PSG2: variants seen among roughly 807,000 people sequenced by gnomAD.
PSG2 encodes the protein pregnancy specific beta-1-glycoprotein 2, also known as pregnancy-specific beta-1-glycoprotein 2.
A neutral mutation model predicts 36.2 loss-of-function variants in PSG2; 49 were observed. That is an observed-to-expected ratio of 1.35 (90% CI 1.08 to 1.72). PSG2 has a LOEUF of 1.72. PSG2 is among the 40% of genes most tolerant of loss of function. PSG2 has a pLI of 0.00. For missense variants in PSG2, 605 were observed against 407.2 expected (o/e 1.49, Z -4.18); for synonymous variants, 261 against 155.6 (o/e 1.68, Z -5.04).
chr19:43,074,152 TCA>T (rs1763594127), intron 3 of PSG2, among the ~76,000 whole-genome samples: 1 of 151,672 alleles, frequency 6.6e-6, no homozygotes. Context: ...TGCATCTTTT[TCA>T]CAGTGTTTCT....
At chr19:43,069,463 T>A (rs1337816274) in intron 4 of PSG2, among the ~76,000 whole-genome samples, 1 of 151,754 alleles carries the variant, frequency 6.6e-6, no homozygotes, top group Non-Finnish European at 1.5e-5. Flanking sequence ...CAGCATTTAC[T>A]ACAAAGCCCC....
rs1181165216 is a variant in PSG2, at chr19:43,081,387, A to G, written c.65-141T>C. 10 of 1,274,188 alleles carry G rather than the reference A, an allele frequency of 7.8e-6. 1 individual carries two copies. The highest frequency in any genetic ancestry group is 4.8e-5 in the South Asian group (3 of 61,910). The allele number at this position is 1,274,188 out of a possible 1,614,324, so 78.9% of individuals were successfully genotyped here. On this transcript the variant is annotated intron_variant, in intron 1 of 5. Coordinates refer to ENST00000406487, the MANE Select transcript of PSG2 (RefSeq NM_031246.4). ...CACACACACACACACACACACACACACACACACACACAAAAGGGGCATGTG... is the reference window on the plus strand; with the variant it reads ...CACACACACACACACACACACACACGCACACACACACAAAAGGGGCATGTG...
chr19:43,072,789 AG>A (rs1299030369), intron 3 of PSG2, among the ~76,000 whole-genome samples: 1 of 151,738 alleles, frequency 6.6e-6, no homozygotes, highest in African/African-American at 2.4e-5. Context: ...TGATGATCTA[AG>A]GGCTCAAAGA....
At chr19:43,066,681 T>C in intron 4 of PSG2, 81 bp from the exon 5 acceptor site, 1 of 1,428,890 alleles carries the variant, frequency 7.0e-7, no homozygotes. Flanking sequence ...GCATGTAACA[T>C]GAGGTACTCT....
intron 4 of PSG2, among the ~76,000 whole-genome samples, chr19:43,067,985 G>T (rs1427978276): frequency 6.6e-6 from 1 of 151,328 alleles, no homozygotes; most frequent in African/African-American, 2.5e-5. Context: ...AAATAATAAG[G>T]ATTAGAGTGG....
At position 43,064,582 on chromosome 19, in the gene PSG2, G is replaced by T. The variant is rs1967714411; in HGVS notation, c.*60C>A. ...AGCTTGTATTCAAGAGTCCTTGTAAGAGACCTTTCCATAAATCTCCTTGAA... is the reference window on the plus strand; with the variant it reads ...AGCTTGTATTCAAGAGTCCTTGTAATAGACCTTTCCATAAATCTCCTTGAA... On this transcript the variant is annotated 3_prime_UTR_variant, in exon 6 of 6. Transcript: ENST00000406487. 1.5e-6 allele frequency: 1 copy of T among 672,984 alleles called. No homozygotes were observed. The highest frequency in any genetic ancestry group is 1.8e-5 in the African/African-American group (1 of 55,238). 41.7% of individuals were successfully genotyped at this position (672,984 alleles called of 1,614,324 possible). A position where few individuals can be genotyped will look rare whatever the true frequency, so the allele number is the denominator to read the frequency against.
At chr19:43,076,358 T>C (rs559978250) in intron 2 of PSG2, among the ~76,000 whole-genome samples, 2 of 151,808 alleles carry the variant, frequency 1.3e-5, no homozygotes, top group African/African-American at 4.9e-5. Flanking sequence ...ATGTGCCCTG[T>C]TCTGGGTCCA....
chr19:43,075,231 C>G lies in PSG2; in HGVS notation c.709+123G>C, dbSNP rs940744786. ...TTTGCCTGGGGCAGAAAGTCATGGCCAGCTTTGATGCCTAGGGGTAAAGGT... is the reference window on the plus strand; with the variant it reads ...TTTGCCTGGGGCAGAAAGTCATGGCGAGCTTTGATGCCTAGGGGTAAAGGT... On this transcript the variant is annotated intron_variant, in intron 3 of 5. Transcript: ENST00000406487. 1.3e-5 allele frequency: 20 copies of G among 1,594,500 alleles called. No homozygotes were observed. In the Middle Eastern group the frequency reaches 5.8e-4, roughly 46 times the overall value.
intron 3 of PSG2, among the ~76,000 whole-genome samples, chr19:43,074,081 G>A (rs1254050267): frequency 1.3e-5 from 2 of 151,574 alleles, no homozygotes; most frequent in Non-Finnish European, 1.5e-5. Context: ...TAAGGCTTTG[G>A]GATGTGAGAA....
rs1321455211 is a variant in PSG2 at position 43,066,620 on chromosome 19, AAAG to A, written c.965-23_965-21del. On this transcript the variant is annotated intron_variant, in intron 4 of 5. Coordinates refer to ENST00000406487, the MANE Select transcript of PSG2 (RefSeq NM_031246.4). Reference sequence around the variant, plus strand: ...TAGAAGCTGTCATGGAAAGAAAAGTAAAGAAGGAATGAAGGTGATGTTATTTTA... The same window carrying A: ...TAGAAGCTGTCATGGAAAGAAAAGTAAAGGAATGAAGGTGATGTTATTTTA... The A allele has an allele frequency of 1.9e-6, 3 of 1,582,794 alleles. No individual in the cohort carries two copies. The highest frequency in any genetic ancestry group is 2.6e-6 in the Non-Finnish European group (3 of 1,152,588).
Position 43,066,374 on chromosome 19 carries a change from T to A in PSG2, c.*40+143A>T, listed in dbSNP as rs1464370089. On this transcript the variant is annotated intron_variant, in intron 5 of 5. Coordinates refer to ENST00000406487, the MANE Select transcript of PSG2 (RefSeq NM_031246.4). ...CATAAAGGCCAGGGAGAAAGGGAAC[T>A]GCAGGAATTAGTGCTGAGAAGCAGG... 8 of 672,472 alleles carry A rather than the reference T, an allele frequency of 1.2e-5. No individual in the cohort carries two copies. The East Asian group carries it at 2.2e-4, about 18-fold the overall frequency. 41.7% of individuals were successfully genotyped at this position (672,472 alleles called of 1,614,324 possible). A position where few individuals can be genotyped will look rare whatever the true frequency, so the allele number is the denominator to read the frequency against.
At chr19:43,065,934 A>C (rs1967733403) in intron 5 of PSG2, 1 of 152,908 alleles carries the variant, frequency 6.5e-6, no homozygotes, top group South Asian at 2.0e-4. Context: ...TTATGTCTAT[A>C]TGGGTGAAGG....
At chr19:43,072,731 G>A in intron 3 of PSG2, 1 of 1,547,772 alleles carries the variant, frequency 6.5e-7, no homozygotes, top group South Asian at 1.2e-5. Context: ...CAGCCCACCT[G>A]AGTCCTTGAA....
chr19:43,073,221 C>A (rs1967844588), intron 3 of PSG2, among the ~76,000 whole-genome samples: 2 of 151,796 alleles, frequency 1.3e-5, no homozygotes, highest in Non-Finnish European at 2.9e-5. Context: ...CAAGGTGGGG[C>A]AGCTTTTTGC....
At chr19:43,066,194 G>A (rs1460891265) in intron 5 of PSG2, among the ~76,000 whole-genome samples, 1 of 151,716 alleles carries the variant, frequency 6.6e-6, no homozygotes, top group African/African-American at 2.4e-5. Context: ...AAGTGGTTGA[G>A]CTTTATGGGA....
chr19:43,077,149 A>G (rs1967908620), intron 2 of PSG2, among the ~76,000 whole-genome samples: 1 of 151,694 alleles, frequency 6.6e-6, no homozygotes, highest in Admixed American at 6.6e-5. Context: ...TCTAAGATCA[A>G]TTGCTGGTAG....
Position 43,081,115 on chromosome 19 carries a change from T to C in PSG2, c.196A>G (p.Ile66Val), listed in dbSNP as rs763766250. Residue 66 changes from isoleucine to valine, a missense_variant, in exon 2 of 6, where the codon ATC becomes GTC. Ile to Val is a conservative substitution (Grantham distance 29). Coordinates refer to ENST00000406487, the MANE Select transcript of PSG2 (RefSeq NM_031246.4). Reference sequence around the variant, plus strand: ...TCCCTGATTTGCCCTTTGTACCAGATGTAGCCAGTAAGATTCTGGGGCAAA... The same window carrying C: ...TCCCTGATTTGCCCTTTGTACCAGACGTAGCCAGTAAGATTCTGGGGCAAA... ...HNLPQNLTGY[I>V]WYKGQIRDLY... 6.2e-6 allele frequency: 10 copies of C among 1,612,762 alleles called. 1 individual carries two copies. The African/African-American group carries it at 1.1e-4, about 17-fold the overall frequency.
Position 43,064,342 on chromosome 19 carries a change from G to C in PSG2, c.*300C>G, listed in dbSNP as rs1967710610. 1 of 281,108 alleles carries C rather than the reference G, an allele frequency of 3.6e-6. No homozygotes were observed. The highest frequency in any genetic ancestry group is 7.0e-6 in the Non-Finnish European group (1 of 142,352). 17.4% of individuals were successfully genotyped at this position (281,108 alleles called of 1,614,324 possible). A position where few individuals can be genotyped will look rare whatever the true frequency, so the allele number is the denominator to read the frequency against. On this transcript the variant is annotated 3_prime_UTR_variant, in exon 6 of 6. Coordinates refer to ENST00000406487, the MANE Select transcript of PSG2 (RefSeq NM_031246.4). Reference sequence around the variant, plus strand: ...TTTACAAAAGTATACTTTACCAATTGCTCAAGAAAAAATGTTCATAAATCT... The same window carrying C: ...TTTACAAAAGTATACTTTACCAATTCCTCAAGAAAAAATGTTCATAAATCT...
intron 4 of PSG2, among the ~76,000 whole-genome samples, chr19:43,068,098 T>C (rs1967765754): frequency 6.6e-6 from 1 of 151,412 alleles, no homozygotes; most frequent in African/African-American, 2.4e-5. Flanking sequence ...ATTAACTAGA[T>C]TGACTAAGAA....
Sources: allele counts gnomAD v4.1 joint callset (sites outside exome capture counted in the v4.1 genomes callset), GRCh38; gene constraint gnomAD v4.1.1; transcripts MANE v1.5; gene names NCBI Gene and HGNC (gene_info 2026-07-23, HGNC 2026-07-21).